Variants in SCAND3 observed in about 807,000 individuals in gnomAD.
SCAND3 encodes SCAN domain containing 3, also known as SCAN domain-containing protein 3.
the SCAND3 span, among the ~76,000 whole-genome samples, chr6:28,593,982 G>A: frequency 9.9e-5 from 15 of 152,134 alleles, no homozygotes; most frequent in African/African-American, 1.4e-4. Flanking sequence ...GGCCTCCCAA[G>A]GTGCTGGGAT....
At chr6:28,601,893 G>A in the SCAND3 span, among the ~76,000 whole-genome samples, 1 of 152,126 alleles carries the variant, frequency 6.6e-6, no homozygotes, top group Non-Finnish European at 1.5e-5. Context: ...GTGGGACCCT[G>A]GTGCTGAAGA....
chr6:28,598,742 C>G, the SCAND3 span, among the ~76,000 whole-genome samples: 1 of 146,324 alleles, frequency 6.8e-6, no homozygotes, highest in African/African-American at 2.5e-5. Flanking sequence ...CTGAGTGCGG[C>G]GGCGCGCACT....
chr6:28,616,163 C>G, the SCAND3 span: 1 of 152,284 alleles, frequency 6.6e-6, no homozygotes. The surrounding 1 kb of genome is among the most constrained non-coding windows in gnomAD (Gnocchi z 4.3). Context: ...CCAACCGCCC[C>G]ATGGCCGTTA....
At chr6:28,599,789 T>C in the SCAND3 span, among the ~76,000 whole-genome samples, 1 of 152,102 alleles carries the variant, frequency 6.6e-6, no homozygotes, top group Non-Finnish European at 1.5e-5. Flanking sequence ...GTCAAAATAA[T>C]AGAAAAATAA....
chr6:28,572,016 A>G, the SCAND3 span: 45 of 1,613,846 alleles, frequency 2.8e-5, no homozygotes, highest in Non-Finnish European at 3.7e-5. This position sits in a 1 kb window ranked among gnomAD's most constrained non-coding sequence, Gnocchi z 4.1. Context: ...AACTGTTTCT[A>G]TGTTTTGTTT....
the SCAND3 span, chr6:28,574,741 C>T: frequency 1.7e-4 from 268 of 1,614,056 alleles, no homozygotes; most frequent in Non-Finnish European, 6.9e-5. Context: ...ATCATGTTTC[C>T]TCTTCATTGT....
At chr6:28,597,478 T>G in the SCAND3 span, among the ~76,000 whole-genome samples, 3 of 151,960 alleles carry the variant, frequency 2.0e-5, no homozygotes, top group African/African-American at 7.3e-5. Context: ...CCTGTAATAA[T>G]ATATTTTTAA....
At chr6:28,572,853 T>C in the SCAND3 span, 3 of 1,613,796 alleles carry the variant, frequency 1.9e-6, no homozygotes, top group African/African-American at 1.3e-5. The surrounding 1 kb of genome is among the most constrained non-coding windows in gnomAD (Gnocchi z 4.1). Flanking sequence ...TTAGTTCAGC[T>C]GATATTTTTT....
the SCAND3 span, among the ~76,000 whole-genome samples, chr6:28,581,764 T>G: frequency 6.6e-6 from 1 of 152,228 alleles, no homozygotes; most frequent in Non-Finnish European, 1.5e-5. Flanking sequence ...TGCTTATTTC[T>G]CCCTGGCCAG....
chr6:28,610,377 G>C, the SCAND3 span, among the ~76,000 whole-genome samples: 1 of 152,078 alleles, frequency 6.6e-6, no homozygotes, highest in Non-Finnish European at 1.5e-5. Flanking sequence ...CAACAAATTA[G>C]CTGGGTGTGG....
the SCAND3 span, chr6:28,575,605 G>A: frequency 1.2e-6 from 2 of 1,613,992 alleles, no homozygotes; most frequent in East Asian, 4.5e-5. The surrounding 1 kb of genome is among the most constrained non-coding windows in gnomAD (Gnocchi z 4.2). Context: ...TTCCTTAATT[G>A]ATTTTGATGT....
chr6:28,608,629 T>G, the SCAND3 span, among the ~76,000 whole-genome samples: 1 of 152,224 alleles, frequency 6.6e-6, no homozygotes, highest in Non-Finnish European at 1.5e-5. Context: ...AACCAGTTTT[T>G]CCCTTTTTAA....
the SCAND3 span, chr6:28,585,419 C>G: frequency 6.6e-6 from 1 of 152,202 alleles, no homozygotes; most frequent in Non-Finnish European, 1.5e-5. Flanking sequence ...GAATTATGTA[C>G]AGTACTGTAT....
chr6:28,585,245 G>A, the SCAND3 span: 1 of 152,104 alleles, frequency 6.6e-6, no homozygotes, highest in Admixed American at 6.5e-5. Context: ...ATACTCACTA[G>A]CAGAAATTTT....
chr6:28,585,727 T>G, the SCAND3 span, among the ~76,000 whole-genome samples: 2 of 152,234 alleles, frequency 1.3e-5, no homozygotes, highest in African/African-American at 4.8e-5. Flanking sequence ...ATCCACAATG[T>G]TCTAAAATTA....
At chr6:28,591,347 A>G in the SCAND3 span, 9 of 152,156 alleles carry the variant, frequency 5.9e-5, no homozygotes, top group Non-Finnish European at 1.0e-4. Flanking sequence ...CTGTGGGTCT[A>G]CCAATTCCTT....
the SCAND3 span, chr6:28,589,856 GTTT>G: frequency 5.1e-5 from 6 of 116,538 alleles, no homozygotes; most frequent in Non-Finnish European, 5.5e-5. Context: ...TTTTTTGTTT[GTTT>G]TTTTTTTTTT....
chr6:28,587,331 C>T, the SCAND3 span: 2 of 152,526 alleles, frequency 1.3e-5, no homozygotes, highest in African/African-American at 4.8e-5. Context: ...CGGTGAGCCA[C>T]GCTCACTTCC....
chr6:28,606,930 G>A, the SCAND3 span, among the ~76,000 whole-genome samples: 42 of 152,280 alleles, frequency 2.8e-4, no homozygotes, highest in African/African-American at 9.6e-4. Flanking sequence ...GAAAACAGCA[G>A]GAAATGAAGC....
Sources: allele counts gnomAD v4.1 joint callset (sites outside exome capture counted in the v4.1 genomes callset), GRCh38; gene constraint gnomAD v4.1.1; non-coding constraint Gnocchi (gnomAD v3.1); transcripts MANE v1.5; gene names NCBI Gene and HGNC (gene_info 2026-07-23, HGNC 2026-07-21).